Variants in EPHA6 observed in about 807,000 individuals in gnomAD.
EPHA6 encodes EPH receptor A6.
Under a neutral mutation model 112.0 loss-of-function variants are expected in EPHA6, and 50 were observed. The observed-to-expected ratio is 0.45, with a 90% confidence interval of 0.36 to 0.56. EPHA6 has a LOEUF of 0.56. Ranked by LOEUF, EPHA6 falls within the 20% of genes least tolerant of loss-of-function variation. The pLI is 0.00. For missense variants in EPHA6, 1,280 were observed against 1,417.4 expected (o/e 0.90, Z 1.56); for synonymous variants, 529 against 490.7 (o/e 1.08, Z -1.03).
At chr3:97,237,967 A>G (rs1394413448) in intron 4 of EPHA6, among the ~76,000 whole-genome samples, 1 of 151,948 alleles carries the variant, frequency 6.6e-6, no homozygotes, top group Non-Finnish European at 1.5e-5. Context: ...ATTGATCTGC[A>G]TATCTATAAT....
chr3:97,618,166 C>G (rs1183083442), intron 13 of EPHA6, among the ~76,000 whole-genome samples: 1 of 152,124 alleles, frequency 6.6e-6, no homozygotes, highest in East Asian at 1.9e-4. Context: ...ATAACCTGCT[C>G]CTGAATGACT....
At chr3:97,337,327 A>C (rs2083101883) in intron 5 of EPHA6, among the ~76,000 whole-genome samples, 1 of 152,138 alleles carries the variant, frequency 6.6e-6, no homozygotes, top group Non-Finnish European at 1.5e-5. Flanking sequence ...GACCTAAGTG[A>C]CCTTAAAAAT....
intron 13 of EPHA6, among the ~76,000 whole-genome samples, chr3:97,614,079 A>G (rs1026345642): frequency 2.0e-5 from 3 of 152,180 alleles, no homozygotes; most frequent in Non-Finnish European, 1.5e-5. Flanking sequence ...TAAACTAAGT[A>G]TAGCTATAGA....
intron 5 of EPHA6, among the ~76,000 whole-genome samples, chr3:97,365,864 T>C (rs2084696444): frequency 6.6e-6 from 1 of 152,308 alleles, no homozygotes; most frequent in East Asian, 1.9e-4. Context: ...TGATCATCCC[T>C]AGGTTAAGGG....
At chr3:97,650,377 A>T (rs971203376) in intron 14 of EPHA6, among the ~76,000 whole-genome samples, 3 of 152,256 alleles carry the variant, frequency 2.0e-5, no homozygotes, top group African/African-American at 4.8e-5. Flanking sequence ...GCAATACCAA[A>T]GGAAATTACT....
At chr3:97,328,680 C>T (rs2082607847) in intron 5 of EPHA6, among the ~76,000 whole-genome samples, 1 of 151,992 alleles carries the variant, frequency 6.6e-6, no homozygotes. Flanking sequence ...TGGCCTTTCA[C>T]AGAGGAAAAT....
chr3:96,983,600 G>T (rs1186091895), intron 2 of EPHA6, among the ~76,000 whole-genome samples: 2 of 152,186 alleles, frequency 1.3e-5, no homozygotes, highest in Non-Finnish European at 2.9e-5. Context: ...ATGTTGGCCT[G>T]CCTTGCTAGG....
intron 3 of EPHA6, among the ~76,000 whole-genome samples, chr3:97,160,589 A>G (rs2076391859): frequency 6.6e-6 from 1 of 151,956 alleles, no homozygotes; most frequent in Non-Finnish European, 1.5e-5. Context: ...CTATCTTTAC[A>G]TATTTTTACC....
At chr3:97,510,298 G>T (rs757850674) in intron 10 of EPHA6, among the ~76,000 whole-genome samples, 1 of 152,160 alleles carries the variant, frequency 6.6e-6, no homozygotes, top group Non-Finnish European at 1.5e-5. Context: ...CAGCCTTTTT[G>T]TGCTGGTTTT....
At chr3:97,181,400 C>T (rs2076985162) in intron 3 of EPHA6, among the ~76,000 whole-genome samples, 1 of 151,988 alleles carries the variant, frequency 6.6e-6, no homozygotes, top group Non-Finnish European at 1.5e-5. Context: ...TCTTGGTGTT[C>T]TCATTGAGGG....
intron 11 of EPHA6, among the ~76,000 whole-genome samples, chr3:97,591,221 T>C (rs13323684): frequency 5.6e-4 from 85 of 152,354 alleles, no homozygotes; most frequent in African/African-American, 2.0e-3. Context: ...ATACACATTG[T>C]AACTTTGCTC....
chr3:97,187,476 A>G (rs1199541836), intron 3 of EPHA6, among the ~76,000 whole-genome samples: 1 of 151,728 alleles, frequency 6.6e-6, no homozygotes, highest in Admixed American at 6.6e-5. Context: ...AGGCTGAGGC[A>G]GGAGAATTGC....
intron 6 of EPHA6, among the ~76,000 whole-genome samples, chr3:97,446,314 C>T (rs2090345197): frequency 6.6e-6 from 1 of 150,494 alleles, no homozygotes; most frequent in East Asian, 1.9e-4. Context: ...CTGAAGAACC[C>T]CTTAAGTACA....
At chr3:97,334,572 C>T (rs955438623) in intron 5 of EPHA6, among the ~76,000 whole-genome samples, 5 of 150,170 alleles carry the variant, frequency 3.3e-5, no homozygotes, top group East Asian at 2.0e-4. Context: ...CTTGAGATAC[C>T]GTGCTCAAGC....
rs189812199 is a variant in EPHA6 at position 97,649,707 on chromosome 3, A to G, written c.2784+11625A>G. Among the ~76,000 whole-genome samples, 9 of 152,050 alleles carry G rather than the reference A, an allele frequency of 5.9e-5. No homozygotes were observed. In the East Asian group the frequency reaches 1.7e-3, roughly 30 times the overall value. ...ACAAAAATCCAAGCTGGATAAACCAAATTCATCTATTAAGAAAAGAGCTAT... is the reference window on the plus strand; with the variant it reads ...ACAAAAATCCAAGCTGGATAAACCAGATTCATCTATTAAGAAAAGAGCTAT... On this transcript the variant is annotated intron_variant, in intron 14 of 17. Transcript: ENST00000389672.
chr3:97,505,510 A>G (rs1337474213), intron 10 of EPHA6, among the ~76,000 whole-genome samples: 1 of 152,168 alleles, frequency 6.6e-6, no homozygotes, highest in Non-Finnish European at 1.5e-5. Context: ...CCTGCAAAGG[A>G]CATGAACTCA....
intron 14 of EPHA6, among the ~76,000 whole-genome samples, chr3:97,716,173 T>A (rs1171275834): frequency 6.6e-6 from 1 of 152,224 alleles, no homozygotes. Flanking sequence ...AAAAAGTACC[T>A]TAGTGCATTA....
chr3:96,825,051 G>A (rs537760893), intron 1 of EPHA6, among the ~76,000 whole-genome samples: 1 of 152,002 alleles, frequency 6.6e-6, no homozygotes, highest in Non-Finnish European at 1.5e-5. Flanking sequence ...ATGAAAATGA[G>A]TCTCACATTT....
At chr3:96,982,652 G>T (rs998338147) in intron 2 of EPHA6, among the ~76,000 whole-genome samples, 2 of 152,094 alleles carry the variant, frequency 1.3e-5, no homozygotes, top group African/African-American at 2.4e-5. Context: ...GTTGACAGTG[G>T]GGTGTTAAAG....
Sources: gnomAD v4.1 joint callset for allele counts (sites outside exome capture counted in the v4.1 genomes callset) on GRCh38, gnomAD v4.1.1 for gene constraint, MANE v1.5 for transcripts, NCBI Gene and HGNC (gene_info 2026-07-23, HGNC 2026-07-21) for gene names.